The following CDC40 variants were observed in gnomAD, a reference collection of about 807,000 sequenced individuals.
CDC40 encodes pre-mRNA-processing factor 17.
A neutral mutation model predicts 80.6 loss-of-function variants in CDC40; 27 were observed. That is an observed-to-expected ratio of 0.33 (90% CI 0.25 to 0.46). CDC40 has a LOEUF of 0.46. Ranked by LOEUF, CDC40 falls within the 20% of genes least tolerant of loss-of-function variation. The pLI is 1.00. For missense variants in CDC40, 486 were observed against 694.1 expected, an observed-to-expected ratio of 0.70 and a Z score of 3.37; for synonymous variants, 221 against 232.6, an observed-to-expected ratio of 0.95 and a Z score of 0.45.
At chr6:110,224,108 C>G (rs1028080569) in intron 12 of CDC40, among the ~76,000 whole-genome samples, 7 of 151,594 alleles carry the variant, frequency 4.6e-5, no homozygotes, top group African/African-American at 1.7e-4. Context: ...TGGGATTACA[C>G]TGCACCCGGC....
rs745792685 is a variant in CDC40, at chr6:110,213,067, CTG to C, written c.868-17_868-16del. On this transcript the variant is annotated splice_polypyrimidine_tract_variant and intron_variant, in intron 7 of 14. Transcript: ENST00000307731. ...TCTTTTGAATGCTTCTGGTTGATAA[CTG>C]TAATACCTTTTTATAGGGCGTCAGT... 49 of 1,524,796 alleles carry C rather than the reference CTG, an allele frequency of 3.2e-5. No individual in the cohort carries two copies. Among genetic ancestry groups the C allele is most frequent in the Middle Eastern group, 3.4e-4 (2 of 5,936 alleles). 94.5% of individuals were successfully genotyped at this position (1,524,796 alleles called of 1,614,324 possible). A position where few individuals can be genotyped will look rare whatever the true frequency, so the allele number is the denominator to read the frequency against.
intron 2 of CDC40, among the ~76,000 whole-genome samples, chr6:110,198,709 TA>T (rs1249508436): frequency 6.6e-6 from 1 of 152,240 alleles, no homozygotes; most frequent in African/African-American, 2.4e-5. Context: ...TTGTTTGAGC[TA>T]AAAATTGTTA....
At chr6:110,210,627 T>A in intron 5 of CDC40, 80 bp from the exon 6 acceptor site, 1 of 569,634 alleles carries the variant, frequency 1.8e-6, no homozygotes. Context: ...TAGAAGTCAT[T>A]ATAAAGAATT....
In CDC40 at chr6:110,219,413, A is replaced by G; in HGVS notation, c.1140A>G (p.Lys380=). 1 of 1,610,348 alleles carries G rather than the reference A, an allele frequency of 6.2e-7. No individual in the cohort carries two copies. Among genetic ancestry groups the G allele is most frequent in the Non-Finnish European group, 8.5e-7 (1 of 1,176,876 alleles). Residue 380 remains lysine (K), a synonymous_variant, in exon 11 of 15, where the codon AAA becomes AAG. Coordinates refer to ENST00000307731, the MANE Select transcript of CDC40 (RefSeq NM_015891.3). The part of the protein sequence containing the change: ...FTNRKVPYCV[K]FNPDEDKQNL... ...ACCGAAAAGTACCTTATTGTGTCAA[A>G]TTCAATCCTGATGAAGATAAGCAAA... is the stretch of plus-strand genomic sequence containing the variant.
intron 1 of CDC40, among the ~76,000 whole-genome samples, chr6:110,190,054 C>G (rs1310046191): frequency 6.6e-6 from 1 of 152,136 alleles, no homozygotes; most frequent in African/African-American, 2.4e-5. Context: ...TGAATATGTG[C>G]TGAATGCCCT....
intron 4 of CDC40, 100 bp from the exon 5 acceptor site, chr6:110,208,983 AC>A (rs1191730324): frequency 1.2e-5 from 9 of 768,946 alleles, no homozygotes; most frequent in African/African-American, 1.8e-5. Context: ...TCTTTCTTTA[AC>A]CATATAAAAT....
intron 3 of CDC40, among the ~76,000 whole-genome samples, chr6:110,205,515 G>A (rs1340234249): frequency 1.3e-5 from 2 of 152,184 alleles, no homozygotes; most frequent in East Asian, 1.9e-4. Context: ...GCAGTAGTGG[G>A]GATGGTGGTA....
At chr6:110,206,901 G>A (rs1445430082) in intron 3 of CDC40, among the ~76,000 whole-genome samples, 1 of 152,190 alleles carries the variant, frequency 6.6e-6, no homozygotes, top group Non-Finnish European at 1.5e-5. Flanking sequence ...TGGCCAGAGA[G>A]GCTCTTAGTA....
chr6:110,221,565 T>C (rs940919573), intron 12 of CDC40, among the ~76,000 whole-genome samples: 2 of 152,162 alleles, frequency 1.3e-5, no homozygotes, highest in Non-Finnish European at 2.9e-5. Context: ...TTACAGAGAA[T>C]CTAATATGGA....
chr6:110,226,800 T>C (rs112463962), intron 13 of CDC40, among the ~76,000 whole-genome samples: 5,291 of 152,224 alleles, frequency 0.035, 196 homozygotes, highest in African/African-American at 0.094. Context: ...AAGAATCACT[T>C]GAACCCAAGA....
intron 12 of CDC40, among the ~76,000 whole-genome samples, chr6:110,223,201 T>C (rs1361334437): frequency 6.6e-6 from 1 of 152,086 alleles, no homozygotes; most frequent in East Asian, 1.9e-4. Context: ...CGTCCTGCCT[T>C]AGACTCCTGA....
chr6:110,193,779 TG>T (rs1345519762), intron 2 of CDC40, among the ~76,000 whole-genome samples: 2 of 152,224 alleles, frequency 1.3e-5, no homozygotes, highest in African/African-American at 4.8e-5. Context: ...ATCCACTAGC[TG>T]CTTATCTGTC....
At chr6:110,183,176 A>G (rs1035929443) in intron 1 of CDC40, among the ~76,000 whole-genome samples, 3 of 152,092 alleles carry the variant, frequency 2.0e-5, no homozygotes, top group Non-Finnish European at 2.9e-5. Context: ...CCCCTTTATC[A>G]TATCTTAACT....
chr6:110,189,202 T>C (rs1257438772), intron 1 of CDC40, among the ~76,000 whole-genome samples: 4 of 152,378 alleles, frequency 2.6e-5, no homozygotes, highest in Non-Finnish European at 5.9e-5. Context: ...TGAAATAGTG[T>C]GTCTGCTCTG....
intron 12 of CDC40, among the ~76,000 whole-genome samples, chr6:110,224,786 G>C (rs1455883657): frequency 6.6e-6 from 1 of 152,174 alleles, no homozygotes; most frequent in East Asian, 1.9e-4. Flanking sequence ...ACAGCTCCTG[G>C]TATGAAGATT....
intron 9 of CDC40, among the ~76,000 whole-genome samples, chr6:110,215,796 G>A (rs570517024): frequency 6.6e-6 from 1 of 152,310 alleles, no homozygotes; most frequent in South Asian, 2.1e-4. Flanking sequence ...AAGCCTGGAG[G>A]AAGGGAAATT....
At chr6:110,181,754 C>T (rs1202758428) in intron 1 of CDC40, among the ~76,000 whole-genome samples, 1 of 152,170 alleles carries the variant, frequency 6.6e-6, no homozygotes, top group Non-Finnish European at 1.5e-5. Context: ...CAGTCTGGCC[C>T]TATCCTCTTG....
At chr6:110,198,892 T>C (rs993117068) in intron 2 of CDC40, 1 of 152,216 alleles carries the variant, frequency 6.6e-6, no homozygotes, top group Non-Finnish European at 1.5e-5. Flanking sequence ...TGTTGTATTT[T>C]TTTAATGGTT....
At chr6:110,224,300 A>G (rs1389902815) in intron 12 of CDC40, 1 of 152,122 alleles carries the variant, frequency 6.6e-6, no homozygotes, top group African/African-American at 2.4e-5. Context: ...TCATTTTTAA[A>G]CTGGAGATTA....
Sources: allele counts gnomAD v4.1 joint callset (sites outside exome capture counted in the v4.1 genomes callset), GRCh38; gene constraint gnomAD v4.1.1; transcripts MANE v1.5; gene names NCBI Gene and HGNC (gene_info 2026-07-23, HGNC 2026-07-21).